Variants in DNAH11 observed in about 807,000 individuals in gnomAD.
The protein encoded by DNAH11 is dynein axonemal heavy chain 11, also known as axonemal beta dynein heavy chain 11.
Under a neutral mutation model 526.0 loss-of-function variants are expected in DNAH11, and 442 were observed. The ratio of observed to expected loss-of-function variants is 0.84; its 90% CI spans 0.78 to 0.91. DNAH11 has a LOEUF of 0.91. Among genes scored for constraint, DNAH11 ranks in the 40% least tolerant of loss-of-function variants. The pLI is 0.00. For missense variants in DNAH11, 6,989 were observed against 5,448.7 expected (o/e 1.28, Z -8.90); for synonymous variants, 2,461 against 1,935.9 (o/e 1.27, Z -7.12).
chr7:21,664,242 T>A (rs953342055), intron 30 of DNAH11, among the ~76,000 whole-genome samples: 2 of 151,964 alleles, frequency 1.3e-5, no homozygotes, highest in African/African-American at 4.8e-5. Flanking sequence ...TTTAATAGTT[T>A]TACTTGGATT....
At chr7:21,723,811 A>T (rs1472603376) in intron 44 of DNAH11, among the ~76,000 whole-genome samples, 1 of 151,486 alleles carries the variant, frequency 6.6e-6, no homozygotes, top group Admixed American at 6.6e-5. Flanking sequence ...TACCACAGGA[A>T]CTTTGTACAT....
At position 21,900,795 on chromosome 7, in the gene DNAH11, C is replaced by CACTACGCATGGAAGCAA. The variant is rs537714331; in HGVS notation, c.13304-210_13304-194dup. 1.5e-3 allele frequency: 863 copies of CACTACGCATGGAAGCAA among 567,430 alleles called. 6 individuals are homozygous for CACTACGCATGGAAGCAA. Among genetic ancestry groups the CACTACGCATGGAAGCAA allele is most frequent in the Non-Finnish European group, 1.2e-3 (438 of 360,624 alleles). The allele number at this position is 567,430 out of a possible 1,614,324, so 35.1% of individuals were successfully genotyped here. A position where few individuals can be genotyped will look rare whatever the true frequency, so the allele number is the denominator to read the frequency against. On this transcript the variant is annotated intron_variant, in intron 81 of 81. Transcript: ENST00000409508. ...GCTTACTTCCACAGGAAAGTTTAACCACTACGCATGGAAGCAAAGCGGTGC... is the reference window on the plus strand; with the variant it reads ...GCTTACTTCCACAGGAAAGTTTAACCACTACGCATGGAAGCAAACTACGCATGGAAGCAAAGCGGTGC...
At chr7:21,804,429 C>G (rs546188776) in intron 62 of DNAH11, among the ~76,000 whole-genome samples, 42 of 152,220 alleles carry the variant, frequency 2.8e-4, no homozygotes, top group African/African-American at 1.0e-3. Context: ...TTTTAAAACC[C>G]TAACTTATTA....
intron 25 of DNAH11, among the ~76,000 whole-genome samples, chr7:21,629,332 C>A (rs1317575337): frequency 6.6e-6 from 1 of 152,104 alleles, no homozygotes; most frequent in Non-Finnish European, 1.5e-5. Context: ...AAGATATGAT[C>A]TATTCTGGAG....
At chr7:21,794,250 C>A (rs546080492) in intron 61 of DNAH11, among the ~76,000 whole-genome samples, 1 of 152,102 alleles carries the variant, frequency 6.6e-6, no homozygotes, top group Non-Finnish European at 1.5e-5. Context: ...GTTGGTCATT[C>A]GCTCCTTGCT....
intron 35 of DNAH11, among the ~76,000 whole-genome samples, chr7:21,695,990 T>C (rs1391164822): frequency 6.6e-6 from 1 of 152,192 alleles, no homozygotes; most frequent in Non-Finnish European, 1.5e-5. Flanking sequence ...TCTGTAGTGA[T>C]GTCTTGAATT....
At position 21,811,298 on chromosome 7, in the gene DNAH11, T is replaced by C. The variant is rs375249371; in HGVS notation, c.10332+3249T>C. 9.8e-3 allele frequency among the ~76,000 whole-genome samples: 1,470 copies of C among 150,564 alleles called. 19 individuals carry two copies. Among genetic ancestry groups the C allele is most frequent in the African/African-American group, 0.034 (1,388 of 40,836 alleles). On this transcript the variant is annotated intron_variant, in intron 63 of 81. Coordinates refer to ENST00000409508, the MANE Select transcript of DNAH11 (RefSeq NM_001277115.2). ...GCCAACATGGTGAAACCCCCCCCCC[T>C]ACTAAAAATTAGCCAGGCGTGGTGG...
intron 70 of DNAH11, among the ~76,000 whole-genome samples, chr7:21,865,041 T>G (rs952847333): frequency 1.3e-5 from 2 of 152,260 alleles, no homozygotes; most frequent in African/African-American, 4.8e-5. Flanking sequence ...TAAATAGTTC[T>G]TTAAATTACA....
chr7:21,600,236 G>C, intron 15 of DNAH11, 117 bp downstream of exon 15: 1 of 887,360 alleles, frequency 1.1e-6, no homozygotes, highest in Non-Finnish European at 1.6e-6. Flanking sequence ...GAGGCAAGAG[G>C]ATTGCTTGGG....
At position 21,840,987 on chromosome 7, in the gene DNAH11, G is replaced by A. The variant is rs577817222; in HGVS notation, c.10692-1557G>A. On this transcript the variant is annotated intron_variant, in intron 65 of 81. Coordinates refer to ENST00000409508, the MANE Select transcript of DNAH11 (RefSeq NM_001277115.2). The stretch of plus-strand genomic sequence containing the variant: ...ACCTGAGGTCAGTAGTTGGAGACCA[G>A]CCTGACCAGCATGGCAAAACCCCAT... Among the ~76,000 whole-genome samples, 15 of 152,288 alleles carry A rather than the reference G, an allele frequency of 9.8e-5. No homozygotes were observed. The South Asian group carries it at 2.9e-3, about 29-fold the overall frequency.
chr7:21,759,390 A>G (rs1786786731), intron 54 of DNAH11, among the ~76,000 whole-genome samples: 1 of 152,216 alleles, frequency 6.6e-6, no homozygotes, highest in African/African-American at 2.4e-5. Context: ...GAGTGTGCAC[A>G]TGTTGAAGCT....
At chr7:21,692,710 A>G (rs1251031942) in intron 35 of DNAH11, among the ~76,000 whole-genome samples, 4 of 152,328 alleles carry the variant, frequency 2.6e-5, no homozygotes, top group East Asian at 3.9e-4. Context: ...GCTAGTCTAC[A>G]TGGCAATTGT....
intron 63 of DNAH11, among the ~76,000 whole-genome samples, chr7:21,808,677 C>T (rs1323943366): frequency 6.6e-6 from 1 of 152,186 alleles, no homozygotes; most frequent in Admixed American, 6.5e-5. Flanking sequence ...AACATAAAGT[C>T]CTCCAGTTCC....
chr7:21,667,795 A>G (rs185995539), intron 30 of DNAH11, among the ~76,000 whole-genome samples: 1 of 152,266 alleles, frequency 6.6e-6, no homozygotes. Flanking sequence ...TTTTTTGCTA[A>G]TAATTAAGTC....
intron 45 of DNAH11, among the ~76,000 whole-genome samples, chr7:21,727,020 A>C (rs1478214047): frequency 1.7e-5 from 2 of 114,744 alleles, no homozygotes; most frequent in Non-Finnish European, 3.3e-5. Context: ...CGCAAGATCC[A>C]CCTCCGGGGT....
chr7:21,671,590 T>C (rs1782644440), intron 30 of DNAH11, among the ~76,000 whole-genome samples: 1 of 152,168 alleles, frequency 6.6e-6, no homozygotes, highest in Admixed American at 6.5e-5. Flanking sequence ...ATTTTATTTC[T>C]GTTTTCAAAG....
intron 44 of DNAH11, among the ~76,000 whole-genome samples, chr7:21,722,132 C>T (rs1784902655): frequency 6.6e-6 from 1 of 152,202 alleles, no homozygotes; most frequent in Admixed American, 6.5e-5. Context: ...TGCCACCATG[C>T]ACCTCTATGT....
At chr7:21,895,484 T>A (rs994017801) in intron 79 of DNAH11, among the ~76,000 whole-genome samples, 1 of 152,162 alleles carries the variant, frequency 6.6e-6, no homozygotes, top group Admixed American at 6.5e-5. Context: ...ACTGCAGAGA[T>A]GTGTCACAAA....
chr7:21,715,875 T>A (rs563348685), intron 42 of DNAH11, among the ~76,000 whole-genome samples: 150 of 146,726 alleles, frequency 1.0e-3, no homozygotes, highest in African/African-American at 3.9e-3. Flanking sequence ...CACCCCCACT[T>A]TTTTTCTCTC....
Sources: allele counts gnomAD v4.1 joint callset (sites outside exome capture counted in the v4.1 genomes callset), GRCh38; gene constraint gnomAD v4.1.1; transcripts MANE v1.5; gene names NCBI Gene and HGNC (gene_info 2026-07-23, HGNC 2026-07-21).